DPF1: variants seen among roughly 807,000 people sequenced by gnomAD.
The protein encoded by DPF1 is zinc finger protein neuro-d4.
A neutral mutation model predicts 58.7 loss-of-function variants in DPF1; 14 were observed. The observed-to-expected ratio is 0.24, with a 90% CI of 0.16 to 0.37. The LOEUF (loss-of-function observed/expected upper bound fraction) is 0.37, where lower values mean the gene tolerates loss of function less well. Ranked by LOEUF, DPF1 falls within the 10% of genes least tolerant of loss-of-function variation. The pLI is 1.00. For synonymous variants in DPF1, 216 were observed against 216.0 expected (o/e 1.00, Z 0.00); for missense variants, 345 against 529.9 (o/e 0.65, Z 3.43).
At chr19:38,223,379 C>T (rs1257801566) in intron 1 of DPF1, 3 of 152,642 alleles carry the variant, frequency 2.0e-5, no homozygotes, top group African/African-American at 2.4e-5. Flanking sequence ...ACCACACACA[C>T]AATATCCAGA....
At position 38,229,616 on chromosome 19, in the gene DPF1, G is replaced by A; in HGVS notation, c.-189C>T. On this transcript the variant is annotated 5_prime_UTR_variant, in exon 1 of 12. Coordinates refer to the DPF1 transcript ENST00000412732. The surrounding 1 kb of genome is among the most constrained non-coding windows in gnomAD (Gnocchi z 5.3). ...GGCCCGCTCGGCTGGGCCGCCTCCG[G>A]CCCGGGGCGCCGCTGCCGCCGCGCG... is the stretch of plus-strand genomic sequence containing the variant. The A allele has an allele frequency of 2.8e-6, 3 of 1,063,688 alleles. No homozygotes were observed. The highest frequency in any genetic ancestry group is 3.4e-6 in the Non-Finnish European group (3 of 880,528). The allele number at this position is 1,063,688 out of a possible 1,614,324, so 65.9% of individuals were successfully genotyped here.
intron 9 of DPF1, among the ~76,000 whole-genome samples, chr19:38,214,831 C>CTTTTT (rs36047300): frequency 1.1e-5 from 1 of 89,394 alleles, no homozygotes. Context: ...TATGCCCAGC[C>CTTTTT]TTTTTTTTTT....
In DPF1 at chr19:38,229,560, A is replaced by ACTT. The variant is rs1967964235; in HGVS notation, c.-136_-134dup. 8.4e-7 allele frequency: 1 copy of ACTT among 1,187,650 alleles called. No individual in the cohort carries two copies. 73.6% of individuals were successfully genotyped at this position (1,187,650 alleles called of 1,614,324 possible). The stretch of plus-strand genomic sequence containing the variant: ...GGCGGGGACGGCAGGGACACTCACG[A>ACTT]CTTGAGCGGGTTCTGAATGGCGGTG... On this transcript the variant is annotated splice_region_variant and 5_prime_UTR_variant, in exon 1 of 12. Transcript: ENST00000412732. The surrounding 1 kb of genome is among the most constrained non-coding windows in gnomAD (Gnocchi z 5.3).
upstream of DPF1, among the ~76,000 whole-genome samples, chr19:38,226,538 A>ACACACACACACACACC: frequency 6.9e-6 from 1 of 144,848 alleles, no homozygotes; most frequent in African/African-American, 2.6e-5. Flanking sequence ...ACACACACAC[A>ACACACACACACACACC]CTCCTCTAGT....
At position 38,222,100 on chromosome 19, in the gene DPF1, A is replaced by AAAATAAATAAATAAATAAAT. The variant is rs142392815; in HGVS notation, c.298+237_298+256dup. On this transcript the variant is annotated intron_variant, in intron 3 of 11. Coordinates refer to ENST00000355526, the MANE Select transcript of DPF1 (RefSeq NM_001135155.3). This position sits in a 1 kb window ranked among gnomAD's most constrained non-coding sequence, Gnocchi z 4.9. Reference sequence around the variant, plus strand: ...CCAGCCTGGGTGAAACTCTGTCTCAAAAATAAATAAATAAATAAATAAATA... The same window carrying AAAATAAATAAATAAATAAAT: ...CCAGCCTGGGTGAAACTCTGTCTCAAAAATAAATAAATAAATAAATAAATAAATAAATAAATAAATAAATA... 2.0e-5 allele frequency among the ~76,000 whole-genome samples: 3 copies of AAAATAAATAAATAAATAAAT among 148,086 alleles called. No individual in the cohort carries two copies. Among genetic ancestry groups the AAAATAAATAAATAAATAAAT allele is most frequent in the East Asian group, 2.0e-4 (1 of 5,066 alleles).
At chr19:38,220,344 G>A (rs1490927057) in intron 3 of DPF1, among the ~76,000 whole-genome samples, 1 of 151,836 alleles carries the variant, frequency 6.6e-6, no homozygotes, top group African/African-American at 2.4e-5. Context: ...GAAAGAGGCC[G>A]GGTGCGGTGG....
upstream of DPF1, among the ~76,000 whole-genome samples, chr19:38,228,872 G>C (rs902799318): frequency 6.6e-6 from 1 of 151,618 alleles, no homozygotes; most frequent in African/African-American, 2.4e-5. Context: ...CCCGGAGACC[G>C]AGGGCGCTCC....
intron 3 of DPF1, among the ~76,000 whole-genome samples, chr19:38,220,120 G>A (rs1334754250): frequency 2.0e-5 from 3 of 151,000 alleles, no homozygotes; most frequent in East Asian, 3.9e-4. Flanking sequence ...CCCGGGATGC[G>A]GAGGTTGCAG....
At chr19:38,215,011 T>A (rs140587594) in intron 9 of DPF1, among the ~76,000 whole-genome samples, 10,716 of 141,570 alleles carry the variant, frequency 0.076, 531 homozygotes, top group Middle Eastern at 0.13. Flanking sequence ...AAATTTTGTA[T>A]TTTTATAGAG....
chr19:38,227,745 C>T (rs1382009683), upstream of DPF1, among the ~76,000 whole-genome samples: 5 of 152,318 alleles, frequency 3.3e-5, no homozygotes, highest in South Asian at 2.1e-4. Context: ...CTGAGGCTCA[C>T]GGCAGGGAAC....
chr19:38,220,230 A>G (rs1212697368), intron 3 of DPF1, among the ~76,000 whole-genome samples: 2 of 151,130 alleles, frequency 1.3e-5, no homozygotes, highest in Admixed American at 6.6e-5. Flanking sequence ...AAGAGAGAGA[A>G]AGAAAGAAAG....
At chr19:38,216,859 G>A (rs1174494736) in intron 7 of DPF1, among the ~76,000 whole-genome samples, 1 of 152,108 alleles carries the variant, frequency 6.6e-6, no homozygotes, top group East Asian at 1.9e-4. Context: ...ACTCCCAACT[G>A]CACCCTCAGT....
intron 5 of DPF1, 54 bp downstream of exon 5, chr19:38,218,519 G>A (rs1967203812): frequency 6.3e-7 from 1 of 1,578,698 alleles, no homozygotes; most frequent in South Asian, 1.1e-5. Flanking sequence ...CCTGCTCCAT[G>A]AATGAGACCT....
rs555452773 is a variant in DPF1, at chr19:38,222,857, G to T, written c.30-149C>A. 1.2e-5 allele frequency: 15 copies of T among 1,200,480 alleles called. No homozygotes were observed. In the African/African-American group the frequency reaches 2.3e-4, roughly 18 times the overall value. The allele number at this position is 1,200,480 out of a possible 1,614,324, so 74.4% of individuals were successfully genotyped here. A position where few individuals can be genotyped will look rare whatever the true frequency, so the allele number is the denominator to read the frequency against. On this transcript the variant is annotated intron_variant, in intron 1 of 11. Transcript: ENST00000355526. The surrounding 1 kb of genome is among the most constrained non-coding windows in gnomAD (Gnocchi z 4.9). ...CACCTCTCCCCTCCTCCCACTCCGG[G>T]ACCCAGGCTGGGGGAAGGGGACAGG...
intron 9 of DPF1, 61 bp downstream of exon 9, chr19:38,216,079 G>C: frequency 6.4e-7 from 1 of 1,556,634 alleles, no homozygotes. Flanking sequence ...CTCCCTCCAG[G>C]TCTGCACTCC....
chr19:38,219,810 T>C (rs188672414), intron 3 of DPF1: 3 of 152,204 alleles, frequency 2.0e-5, no homozygotes, highest in East Asian at 1.9e-4. Context: ...CAAAGAGGTA[T>C]AGCCAGATCC....
upstream of DPF1, among the ~76,000 whole-genome samples, chr19:38,226,970 C>CTTTTCTT (rs1555710728): frequency 6.7e-6 from 1 of 148,988 alleles, no homozygotes; most frequent in Non-Finnish European, 1.5e-5. Flanking sequence ...ATTTTTCTTT[C>CTTTTCTT]TTTTCTTTTC....
At chr19:38,215,961 G>A (rs548639984) in intron 9 of DPF1, among the ~76,000 whole-genome samples, 179 bp downstream of exon 9, 2 of 152,122 alleles carry the variant, frequency 1.3e-5, no homozygotes, top group Non-Finnish European at 1.5e-5. Context: ...TCACTGATCC[G>A]ACCCAATTCC....
At chr19:38,217,368 A>T in intron 7 of DPF1, 92 bp downstream of exon 7, 2 of 1,195,780 alleles carry the variant, frequency 1.7e-6, no homozygotes, top group Non-Finnish European at 2.3e-6. Flanking sequence ...TTTTCCAGAA[A>T]TGTCTAATGC....
Sources: allele counts gnomAD v4.1 joint callset (sites outside exome capture counted in the v4.1 genomes callset), GRCh38; gene constraint gnomAD v4.1.1; non-coding constraint Gnocchi (gnomAD v3.1); transcripts MANE v1.5; gene names NCBI Gene and HGNC (gene_info 2026-07-23, HGNC 2026-07-21).